NRG1: variants seen among roughly 807,000 people sequenced by gnomAD.
The protein encoded by NRG1 is neuregulin 1.
A neutral mutation model predicts 63.8 loss-of-function variants in NRG1; 18 were observed. The observed-to-expected ratio is 0.28, with a 90% CI of 0.19 to 0.42. The LOEUF is 0.42. Ranked by LOEUF, NRG1 falls within the 10% of genes least tolerant of loss-of-function variation. NRG1 has a pLI of 1.00. For missense variants in NRG1, 762 were observed against 814.7 expected (o/e 0.94, Z 0.79); for synonymous variants, 302 against 301.3 (o/e 1.00, Z -0.02).
intron 1 of NRG1, among the ~76,000 whole-genome samples, chr8:31,944,904 CCG>C (rs1434443643): frequency 6.6e-5 from 10 of 152,178 alleles, no homozygotes; most frequent in Non-Finnish European, 8.8e-5. Context: ...AAATCATCAA[CCG>C]CATTTCCCAA....
chr8:32,519,214 A>T (rs1386997270), intron 1 of NRG1, among the ~76,000 whole-genome samples: 1 of 152,146 alleles, frequency 6.6e-6, no homozygotes, highest in Non-Finnish European at 1.5e-5. Context: ...AGAAAACTGG[A>T]AGACATCAAA....
chr8:31,960,720 C>G (rs376416598), intron 1 of NRG1, among the ~76,000 whole-genome samples: 32 of 152,208 alleles, frequency 2.1e-4, no homozygotes, highest in African/African-American at 7.7e-4. Flanking sequence ...AGAATTGAAA[C>G]CTTTCCAGTA....
intron 1 of NRG1, among the ~76,000 whole-genome samples, chr8:31,946,618 A>G (rs1420565016): frequency 1.4e-5 from 2 of 145,492 alleles, no homozygotes; most frequent in Non-Finnish European, 3.0e-5. Flanking sequence ...ATCACTCTTT[A>G]TGATTACACC....
At chr8:31,961,287 C>T (rs935609976) in intron 1 of NRG1, among the ~76,000 whole-genome samples, 1 of 152,152 alleles carries the variant, frequency 6.6e-6, no homozygotes, top group Non-Finnish European at 1.5e-5. Context: ...TCAGTATAAT[C>T]AGACCTATTA....
At chr8:32,255,436 C>A (rs1279138962) in intron 1 of NRG1, among the ~76,000 whole-genome samples, 1 of 152,186 alleles carries the variant, frequency 6.6e-6, no homozygotes, top group Non-Finnish European at 1.5e-5. Flanking sequence ...GATTCTATTT[C>A]TCCTTCACTT....
intron 1 of NRG1, among the ~76,000 whole-genome samples, chr8:32,594,623 G>C (rs1168302125): frequency 1.3e-5 from 2 of 152,048 alleles, no homozygotes; most frequent in African/African-American, 4.8e-5. Context: ...TTATTTTGAA[G>C]CAAATCTCGG....
intron 1 of NRG1, among the ~76,000 whole-genome samples, chr8:32,191,751 A>T (rs1842518460): frequency 6.6e-6 from 1 of 152,158 alleles, no homozygotes; most frequent in South Asian, 2.1e-4. Context: ...TTTCTGTTGC[A>T]CACTGCTGCC....
intron 1 of NRG1, among the ~76,000 whole-genome samples, chr8:31,993,408 G>A (rs1811409583): frequency 6.6e-6 from 1 of 151,972 alleles, no homozygotes; most frequent in Non-Finnish European, 1.5e-5. Context: ...CTCACCTTGA[G>A]TTATAACAAT....
At chr8:31,998,943 T>G (rs545478539) in intron 1 of NRG1, among the ~76,000 whole-genome samples, 1 of 152,152 alleles carries the variant, frequency 6.6e-6, no homozygotes, top group Non-Finnish European at 1.5e-5. Flanking sequence ...CAGATGAGAA[T>G]TTCAGATTCT....
At chr8:32,659,521 TAGTC>T (rs1462043542) in intron 5 of NRG1, among the ~76,000 whole-genome samples, 2 of 152,208 alleles carry the variant, frequency 1.3e-5, no homozygotes, top group Non-Finnish European at 2.9e-5. Context: ...ACTACTAAAT[TAGTC>T]AGTGGGCTTC....
At chr8:32,111,740 C>T (rs188705368) in intron 1 of NRG1, among the ~76,000 whole-genome samples, 1 of 152,190 alleles carries the variant, frequency 6.6e-6, no homozygotes, top group Admixed American at 6.5e-5. Context: ...CAGGAAGATC[C>T]ACATGGGGAG....
chr8:32,497,036 C>T (rs931145913), intron 1 of NRG1, among the ~76,000 whole-genome samples: 7 of 152,092 alleles, frequency 4.6e-5, no homozygotes, highest in African/African-American at 9.7e-5. Flanking sequence ...AAATATAATA[C>T]CTGTCTTCTA....
chr8:31,796,383 C>T (rs1334239528), intron 1 of NRG1, among the ~76,000 whole-genome samples: 1 of 139,194 alleles, frequency 7.2e-6, no homozygotes, highest in Non-Finnish European at 1.5e-5. Flanking sequence ...TTGATATCAG[C>T]AACAGATAAC....
intron 1 of NRG1, among the ~76,000 whole-genome samples, chr8:31,798,064 G>C (rs559785773): frequency 6.6e-6 from 1 of 152,248 alleles, no homozygotes; most frequent in African/African-American, 2.4e-5. Flanking sequence ...GGAACGGTTG[G>C]TTAAGGAAAG....
intron 1 of NRG1, among the ~76,000 whole-genome samples, chr8:32,370,857 CAAAAAAAAAAAAAAA>C (rs570354347): frequency 3.8e-5 from 2 of 52,052 alleles, no homozygotes; most frequent in African/African-American, 1.7e-4. Flanking sequence ...GACTCTGTCT[CAAAAAAAAAAAAAAA>C]AAAAAAAAAA....
At chr8:32,659,452 A>G (rs1001430493) in intron 5 of NRG1, among the ~76,000 whole-genome samples, 18 of 152,250 alleles carry the variant, frequency 1.2e-4, no homozygotes, top group African/African-American at 2.6e-4. Context: ...CCAGCCAGCT[A>G]TAAATCTTTA....
chr8:32,090,478 A>C (rs1184179622), intron 1 of NRG1, among the ~76,000 whole-genome samples: 1 of 151,932 alleles, frequency 6.6e-6, no homozygotes, highest in Non-Finnish European at 1.5e-5. Context: ...ATGCCATCAG[A>C]CCCAGCTAAT....
intron 1 of NRG1, among the ~76,000 whole-genome samples, chr8:32,071,883 G>A (rs538109188): frequency 1.3e-5 from 2 of 152,256 alleles, no homozygotes; most frequent in East Asian, 1.9e-4. Flanking sequence ...TACAATGAGA[G>A]TCTTAACAAA....
chr8:31,764,671 A>C (rs1817875748), intron 1 of NRG1, among the ~76,000 whole-genome samples: 1 of 152,182 alleles, frequency 6.6e-6, no homozygotes, highest in Non-Finnish European at 1.5e-5. Flanking sequence ...GGGAGAATTT[A>C]CATGTTTTTT....
Sources: allele counts gnomAD v4.1 joint callset (sites outside exome capture counted in the v4.1 genomes callset), GRCh38; gene constraint gnomAD v4.1.1; transcripts MANE v1.5; gene names NCBI Gene and HGNC (gene_info 2026-07-23, HGNC 2026-07-21).